The following GDPD3 variants were observed in gnomAD, a reference collection of about 807,000 sequenced individuals.
The protein encoded by GDPD3 is lysophospholipase D GDPD3.
In GDPD3, 40 loss-of-function variants were observed where a neutral mutation model predicts 43.7. The ratio of observed to expected loss-of-function variants is 0.91; its 90% CI spans 0.71 to 1.19. GDPD3 has a LOEUF of 1.19. GDPD3 is among the 50% of genes most tolerant of loss of function. The pLI, the probability that GDPD3 is intolerant of heterozygous loss-of-function variation, is 0.00. For synonymous variants in GDPD3, 145 were observed against 162.9 expected, an observed-to-expected ratio of 0.89 and a Z score of 0.84; for missense variants, 363 against 415.8, an observed-to-expected ratio of 0.87 and a Z score of 1.11.
chr16:30,109,037 A>G (rs563443473), intron 7 of GDPD3, among the ~76,000 whole-genome samples: 39 of 152,080 alleles, frequency 2.6e-4, no homozygotes, highest in East Asian at 2.0e-3. Flanking sequence ...TCACCCTGTT[A>G]GCCAGGATGG....
In GDPD3 at chr16:30,107,996, C is replaced by G. The variant is rs1018961208; in HGVS notation, c.819+217G>C. On this transcript the variant is annotated intron_variant, in intron 9 of 9. Coordinates refer to ENST00000406256, the MANE Select transcript of GDPD3 (RefSeq NM_024307.3). ...CAGAGTGAGACTCTTGACACACACACACACACACACACACACACACAGAAG... is the reference window on the plus strand; with the variant it reads ...CAGAGTGAGACTCTTGACACACACAGACACACACACACACACACACAGAAG... The G allele has an allele frequency of 8.5e-5, 35 of 413,950 alleles. 2 individuals are homozygous for G. In the South Asian group the frequency reaches 1.2e-3, roughly 15 times the overall value. The allele number at this position is 413,950 out of a possible 1,614,324, so 25.6% of individuals were successfully genotyped here. A position where few individuals can be genotyped will look rare whatever the true frequency, so the allele number is the denominator to read the frequency against.
At position 30,112,041 on chromosome 16, in the gene GDPD3, A is replaced by G; in HGVS notation, c.573+91T>C. On this transcript the variant is annotated intron_variant, in intron 6 of 9. Transcript: ENST00000406256. This position sits in a 1 kb window ranked among gnomAD's most constrained non-coding sequence, Gnocchi z 5.4. ...ACTGGGAACTCTCCCAGACCCCTCT[A>G]GCTCGGGTCCCCATGCTGGGTGGGC... is the stretch of plus-strand genomic sequence containing the variant. The G allele has an allele frequency of 1.0e-6, 1 of 985,466 alleles. No homozygotes were observed. Among genetic ancestry groups the G allele is most frequent in the South Asian group, 1.4e-5 (1 of 73,808 alleles). 61.0% of individuals were successfully genotyped at this position (985,466 alleles called of 1,614,324 possible).
rs767345848 is a variant in GDPD3, at chr16:30,112,119, T to TG, written c.573+12dup. ...GAGGAGGAAGAGGACGGGGGAGGGGTGGGGGGACTCACGGCAGCCTTGCAT... is the reference window on the plus strand; with the variant it reads ...GAGGAGGAAGAGGACGGGGGAGGGGTGGGGGGGACTCACGGCAGCCTTGCAT... On this transcript the variant is annotated intron_variant, in intron 6 of 9. Coordinates refer to ENST00000406256, the MANE Select transcript of GDPD3 (RefSeq NM_024307.3). The surrounding 1 kb of genome is among the most constrained non-coding windows in gnomAD (Gnocchi z 5.4). 11 of 1,549,096 alleles carry TG rather than the reference T, an allele frequency of 7.1e-6. No individual in the cohort carries two copies. Among genetic ancestry groups the TG allele is most frequent in the East Asian group, 4.8e-5 (2 of 41,502 alleles).
At chr16:30,108,029 TTGTGTGTGTTCG>T in intron 9 of GDPD3, 172 bp downstream of exon 9, 1 of 516,034 alleles carries the variant, frequency 1.9e-6, no homozygotes, top group Non-Finnish European at 3.4e-6. Context: ...AAGAAGAAAA[TTGTGTGTGTTCG>T]TGTGTGTGTG....
Position 30,111,480 on chromosome 16 carries a change from G to A in GDPD3, c.615C>T (p.Phe205=), listed in dbSNP as rs745867075. 3 of 1,614,058 alleles carry A rather than the reference G, an allele frequency of 1.9e-6. No homozygotes were observed. Among genetic ancestry groups the A allele is most frequent in the Non-Finnish European group, 2.5e-6 (3 of 1,179,970 alleles). ...MPLSFTISRG[F]WVLLSYYLGL... ...CCAGGTAGTAGGAAAGCAGCACCCA[G>A]AATCCTCGGCTTATTGTGAAGGACA... Residue 205 remains phenylalanine, a synonymous_variant, in exon 7 of 10, where the codon TTC becomes TTT. Coordinates refer to ENST00000406256, the MANE Select transcript of GDPD3 (RefSeq NM_024307.3).
In GDPD3 at chr16:30,105,442, A is replaced by G. The variant is rs777361169; in HGVS notation, c.820-433T>C. 1.1e-3 allele frequency among the ~76,000 whole-genome samples: 170 copies of G among 149,540 alleles called. 1 individual carries two copies. The highest frequency in any genetic ancestry group is 6.8e-3 in the Middle Eastern group (2 of 294). On this transcript the variant is annotated intron_variant, in intron 9 of 9. Transcript: ENST00000406256. ...ACTGTACTCCAGCCTGGGCGATACAACAAGACCTCGTCTCAAAAAAAAAAA... is the reference window on the plus strand; with the variant it reads ...ACTGTACTCCAGCCTGGGCGATACAGCAAGACCTCGTCTCAAAAAAAAAAA...
At chr16:30,105,086 T>A (rs2072847037) in intron 9 of GDPD3, 77 bp from the exon 10 acceptor site, 3 of 1,222,890 alleles carry the variant, frequency 2.5e-6, no homozygotes, top group Non-Finnish European at 2.3e-6. Flanking sequence ...TCCTCCTCTA[T>A]GGAGACTCCC....
At chr16:30,110,048 A>C (rs2072888271) in intron 7 of GDPD3, among the ~76,000 whole-genome samples, 1 of 152,132 alleles carries the variant, frequency 6.6e-6, no homozygotes, top group South Asian at 2.1e-4. Context: ...TCTGGGCCTC[A>C]GATTCTCTAG....
intron 7 of GDPD3, among the ~76,000 whole-genome samples, chr16:30,109,436 G>A (rs532161940): frequency 6.6e-6 from 1 of 152,278 alleles, no homozygotes; most frequent in Admixed American, 6.5e-5. Context: ...TTGAACCCAG[G>A]AGGCGGAGGT....
chr16:30,112,904 G>T lies in GDPD3; in HGVS notation c.183-111C>A. The T allele has an allele frequency of 6.7e-7, 1 of 1,482,106 alleles. No homozygotes were observed. 91.8% of individuals were successfully genotyped at this position (1,482,106 alleles called of 1,614,324 possible). ...GCGGAGTTCGTGGCGGGATGTGCAG[G>T]CCACCTCCAGGGGGCGCCAGTCACC... On this transcript the variant is annotated intron_variant, in intron 2 of 9. Coordinates refer to ENST00000406256, the MANE Select transcript of GDPD3 (RefSeq NM_024307.3). This position sits in a 1 kb window ranked among gnomAD's most constrained non-coding sequence, Gnocchi z 5.4.
chr16:30,110,860 C>CAAAAAAAAAAAAAAAAAAAAAAAAAAAAA (rs10523466), intron 7 of GDPD3: 2 of 88,530 alleles, frequency 2.3e-5, no homozygotes, highest in Non-Finnish European at 2.0e-5. Flanking sequence ...AAGACTGTCT[C>CAAAAAAAAAAAAAAAAAAAAAAAAAAAAA]AAAAAAAAAA....
rs774855444 is a variant in GDPD3, at chr16:30,112,813, C to CG, written c.183-21dup. On this transcript the variant is annotated intron_variant, in intron 2 of 9. Transcript: ENST00000406256. The surrounding 1 kb of genome is among the most constrained non-coding windows in gnomAD (Gnocchi z 5.4). ...ATGGAGCTGTGGGGGTGAAGGTCAG[C>CG]GGGGGGCAGGGGCAGGGGACTGGGA... is the stretch of plus-strand genomic sequence containing the variant. The CG allele has an allele frequency of 1.9e-6, 3 of 1,601,040 alleles. No individual in the cohort carries two copies. Among genetic ancestry groups the CG allele is most frequent in the South Asian group, 1.1e-5 (1 of 90,876 alleles).
chr16:30,108,692 C>A (rs2072877656), intron 7 of GDPD3, among the ~76,000 whole-genome samples: 1 of 152,162 alleles, frequency 6.6e-6, no homozygotes, highest in Admixed American at 6.5e-5. Flanking sequence ...ACGAAAGGGA[C>A]TTGCCAGACC....
At chr16:30,111,136 A>T in intron 7 of GDPD3, 1 of 424,850 alleles carries the variant, frequency 2.4e-6, no homozygotes, top group Non-Finnish European at 4.2e-6. Flanking sequence ...CAGAGTAGAC[A>T]TTCAATAAAA....
intron 6 of GDPD3, 124 bp from the exon 7 acceptor site, chr16:30,111,645 T>C: frequency 9.2e-7 from 1 of 1,084,952 alleles, no homozygotes; most frequent in Non-Finnish European, 1.4e-6. Context: ...CCAAGTCACA[T>C]CTTGGGGCTG....
In GDPD3 at chr16:30,112,903, G is replaced by T; in HGVS notation, c.183-110C>A. The T allele has an allele frequency of 6.7e-7, 1 of 1,483,972 alleles. No individual in the cohort carries two copies. Among genetic ancestry groups the T allele is most frequent in the Non-Finnish European group, 9.3e-7 (1 of 1,069,794 alleles). 91.9% of individuals were successfully genotyped at this position (1,483,972 alleles called of 1,614,324 possible). ...AGCGGAGTTCGTGGCGGGATGTGCA[G>T]GCCACCTCCAGGGGGCGCCAGTCAC... On this transcript the variant is annotated intron_variant, in intron 2 of 9. Transcript: ENST00000406256. This position sits in a 1 kb window ranked among gnomAD's most constrained non-coding sequence, Gnocchi z 5.4.
At position 30,113,094 on chromosome 16, in the gene GDPD3, G is replaced by A; in HGVS notation, c.140-30C>T. 1.2e-6 allele frequency: 2 copies of A among 1,600,860 alleles called. No individual in the cohort carries two copies. Among genetic ancestry groups the A allele is most frequent in the Non-Finnish European group, 1.7e-6 (2 of 1,169,132 alleles). On this transcript the variant is annotated intron_variant, in intron 1 of 9. Transcript: ENST00000406256. The surrounding 1 kb of genome is among the most constrained non-coding windows in gnomAD (Gnocchi z 5.9). ...GGGGGGCACTGGAGTGGGCCTCTGG[G>A]GCTTGGGGTCTAGGGGCCTGGCCCA...
Position 30,113,327 on chromosome 16 carries a change from C to A in GDPD3, c.139+13G>T, listed in dbSNP as rs1255322410. On this transcript the variant is annotated intron_variant, in intron 1 of 9. Coordinates refer to ENST00000406256, the MANE Select transcript of GDPD3 (RefSeq NM_024307.3). This position sits in a 1 kb window ranked among gnomAD's most constrained non-coding sequence, Gnocchi z 5.9. The stretch of plus-strand genomic sequence containing the variant: ...TCCACTTTGGCACCTGTTCTCACCC[C>A]TACCCGGCTCACCTCCTCGGTGGGC... 1 of 1,587,816 alleles carries A rather than the reference C, an allele frequency of 6.3e-7. No individual in the cohort carries two copies. Among genetic ancestry groups the A allele is most frequent in the Non-Finnish European group, 8.6e-7 (1 of 1,165,320 alleles).
Position 30,104,968 on chromosome 16 carries a change from T to C in GDPD3, c.861A>G (p.Ala287=). 1 of 1,612,768 alleles carries C rather than the reference T, an allele frequency of 6.2e-7. No individual in the cohort carries two copies. Among genetic ancestry groups the C allele is most frequent in the Non-Finnish European group, 8.5e-7 (1 of 1,179,732 alleles). Residue 287 remains alanine (A), a synonymous_variant, in exon 10 of 10, where the codon GCA becomes GCG. Transcript: ENST00000406256. Reference sequence around the variant, plus strand: ...CGCCAGTGGCTCCCACGCTGAAGGCTGCTTCAAAATCCGACTCTTCATTAA... The same window carrying C: ...CGCCAGTGGCTCCCACGCTGAAGGCCGCTTCAAAATCCGACTCTTCATTAA... The part of the protein sequence containing the change: ...WCLNEESDFE[A]AFSVGATGVI...
Sources: allele counts gnomAD v4.1 joint callset (sites outside exome capture counted in the v4.1 genomes callset), GRCh38; gene constraint gnomAD v4.1.1; non-coding constraint Gnocchi (gnomAD v3.1); transcripts MANE v1.5; gene names NCBI Gene and HGNC (gene_info 2026-07-23, HGNC 2026-07-21).